SYT7: variants seen among roughly 807,000 people sequenced by gnomAD.
SYT7 encodes synaptotagmin-7.
SYT7 carries 29 observed loss-of-function variants against 75.1 expected under a neutral mutation model. That is an observed-to-expected ratio of 0.39 (90% CI 0.29 to 0.53). The LOEUF is 0.53. SYT7 is among the 20% of genes least tolerant of loss of function. The pLI, the probability that SYT7 is intolerant of heterozygous loss-of-function variation, is 0.77. For synonymous variants in SYT7, 376 were observed against 401.7 expected (o/e 0.94, Z 0.76); for missense variants, 693 against 953.2 (o/e 0.73, Z 3.59).
chr11:61,560,978 C>T (rs964151254), intron 1 of SYT7, among the ~76,000 whole-genome samples: 16 of 152,160 alleles, frequency 1.1e-4, no homozygotes, highest in African/African-American at 3.6e-4. Context: ...CTGCCAGGAA[C>T]GAGCTGGCTG....
chr11:61,535,199 GGA>G (rs2062833810), intron 7 of SYT7, among the ~76,000 whole-genome samples: 1 of 152,194 alleles, frequency 6.6e-6, no homozygotes. Context: ...GGAGACAGAA[GGA>G]GAGAGAGGCC....
chr11:61,574,598 T>G (rs2064015975), intron 1 of SYT7, among the ~76,000 whole-genome samples: 1 of 151,578 alleles, frequency 6.6e-6, no homozygotes, highest in Non-Finnish European at 1.5e-5. Context: ...AAGGGTCCCT[T>G]GGCTGCCATC....
intron 3 of SYT7, among the ~76,000 whole-genome samples, 157 bp from the exon 4 acceptor site, chr11:61,547,465 G>A (rs1034093825): frequency 1.2e-4 from 19 of 152,164 alleles, no homozygotes; most frequent in Non-Finnish European, 1.9e-4. Flanking sequence ...AAAGGCAGGC[G>A]GGCACCGCAG....
Position 61,542,318 on chromosome 11 carries a change from G to T in SYT7, c.834C>A (p.Ala278=), listed in dbSNP as rs911467215. 1.3e-6 allele frequency: 2 copies of T among 1,532,752 alleles called. No homozygotes were observed. Among genetic ancestry groups the T allele is most frequent in the East Asian group, 2.5e-5 (1 of 40,638 alleles). The allele number at this position is 1,532,752 out of a possible 1,614,324, so 94.9% of individuals were successfully genotyped here. ...CCCCTGCCGCCCGGTACTTGGAGCC[G>T]GCCGAGGTGCCCTGCCGAGCCTGGC... is the stretch of plus-strand genomic sequence containing the variant. ...GRGQARQGTS[A]GSKYRAAGGR... Residue 278 remains alanine, a synonymous_variant, in exon 6 of 13, where the codon GCC becomes GCA. Transcript: ENST00000539008. This position sits in a 1 kb window ranked among gnomAD's most constrained non-coding sequence, Gnocchi z 7.8.
intron 12 of SYT7, among the ~76,000 whole-genome samples, chr11:61,521,737 C>T (rs2062341531): frequency 6.6e-6 from 1 of 152,176 alleles, no homozygotes; most frequent in African/African-American, 2.4e-5. Context: ...AGGTATGTGC[C>T]CCTCACTCAC....
chr11:61,567,738 G>A lies in SYT7; in HGVS notation c.32-11531C>T, dbSNP rs371177587. On this transcript the variant is annotated intron_variant, in intron 1 of 12. Coordinates refer to ENST00000539008, the MANE Select transcript of SYT7 (RefSeq NM_001365809.2). ...GCGCGGGCACTGCACCCCGGCGGGC[G>A]CACAGACGGTCCCCAGCGGCGGCCT... Among the ~76,000 whole-genome samples, 69 of 152,328 alleles carry A rather than the reference G, an allele frequency of 4.5e-4. No homozygotes were observed. In the East Asian group the frequency reaches 5.0e-3, roughly 11 times the overall value.
At chr11:61,566,084 G>A (rs531389780) in intron 1 of SYT7, among the ~76,000 whole-genome samples, 125 of 152,372 alleles carry the variant, frequency 8.2e-4, no homozygotes, top group Non-Finnish European at 1.0e-3. Context: ...GAGACCTGGT[G>A]AGCTATGAGG....
intron 7 of SYT7, among the ~76,000 whole-genome samples, chr11:61,537,877 G>A (rs772927718): frequency 3.3e-5 from 5 of 152,088 alleles, no homozygotes; most frequent in Non-Finnish European, 5.9e-5. Context: ...AAAAGGCTGC[G>A]CTTGCTCCGG....
chr11:61,563,097 C>T (rs2063681841), intron 1 of SYT7, among the ~76,000 whole-genome samples: 1 of 152,200 alleles, frequency 6.6e-6, no homozygotes, highest in Admixed American at 6.5e-5. Context: ...GCTGTGGCCA[C>T]AAGCAGATGC....
intron 1 of SYT7, among the ~76,000 whole-genome samples, chr11:61,577,265 C>T (rs955976791): frequency 1.3e-5 from 2 of 152,260 alleles, no homozygotes; most frequent in African/African-American, 4.8e-5. Flanking sequence ...AGCCTCAGGT[C>T]CTCCACTGTG....
upstream of SYT7, among the ~76,000 whole-genome samples, chr11:61,585,089 T>A (rs1459074406): frequency 6.6e-6 from 1 of 152,116 alleles, no homozygotes; most frequent in Non-Finnish European, 1.5e-5. Context: ...GGACATTCTG[T>A]CCCTCAGGAG....
intron 7 of SYT7, among the ~76,000 whole-genome samples, chr11:61,534,633 G>C (rs539833037): frequency 1.3e-5 from 2 of 152,346 alleles, no homozygotes; most frequent in South Asian, 2.1e-4. Flanking sequence ...GGCATGCCAC[G>C]TGTGCACGTG....
At chr11:61,549,736 T>C (rs746321582) in intron 3 of SYT7, among the ~76,000 whole-genome samples, 1 of 152,130 alleles carries the variant, frequency 6.6e-6, no homozygotes, top group Non-Finnish European at 1.5e-5. Context: ...GGATTGTGAG[T>C]GCGGGGGCTG....
chr11:61,529,638 G>A (rs1273476448), intron 8 of SYT7, among the ~76,000 whole-genome samples: 2 of 152,154 alleles, frequency 1.3e-5, no homozygotes, highest in African/African-American at 2.4e-5. Flanking sequence ...CCTCATGATA[G>A]TTTTTTGTTT....
chr11:61,531,891 C>G (rs1209541001), intron 8 of SYT7, among the ~76,000 whole-genome samples: 1 of 49,412 alleles, frequency 2.0e-5, no homozygotes, highest in South Asian at 7.7e-4. Flanking sequence ...GATTCTGTCT[C>G]AAAAAAAAAA....
chr11:61,530,413 C>T (rs2062670437), intron 8 of SYT7, among the ~76,000 whole-genome samples: 1 of 152,220 alleles, frequency 6.6e-6, no homozygotes, highest in African/African-American at 2.4e-5. Flanking sequence ...TTTCCCGACG[C>T]TCTTTTCCCT....
At chr11:61,539,684 AG>A (rs1242530653) in intron 6 of SYT7, 2 of 152,210 alleles carry the variant, frequency 1.3e-5, no homozygotes, top group Admixed American at 1.3e-4. Context: ...TTCTCAGAGC[AG>A]TTGTCAAACA....
chr11:61,558,710 C>T (rs2063566533), intron 1 of SYT7, among the ~76,000 whole-genome samples: 1 of 152,078 alleles, frequency 6.6e-6, no homozygotes, highest in African/African-American at 2.4e-5. Flanking sequence ...CTCCAAAAGA[C>T]CTGAGAAAAA....
intron 1 of SYT7, among the ~76,000 whole-genome samples, chr11:61,577,599 C>A (rs1386148523): frequency 6.6e-6 from 1 of 152,252 alleles, no homozygotes; most frequent in Non-Finnish European, 1.5e-5. Context: ...TTGGCCTGGA[C>A]AATCTAGTGG....
Sources: allele counts gnomAD v4.1 joint callset (sites outside exome capture counted in the v4.1 genomes callset), GRCh38; gene constraint gnomAD v4.1.1; non-coding constraint Gnocchi (gnomAD v3.1); transcripts MANE v1.5; gene names NCBI Gene and HGNC (gene_info 2026-07-23, HGNC 2026-07-21).